CALM2: variants seen among roughly 807,000 people sequenced by gnomAD.
CALM2 encodes the protein calmodulin 2.
A neutral mutation model predicts 19.8 loss-of-function variants in CALM2; 2 were observed. The observed-to-expected ratio is 0.10, with a 90% CI of 0.04 to 0.32. CALM2 has a LOEUF of 0.32. Among genes scored for constraint, CALM2 ranks in the 10% least tolerant of loss-of-function variants. The pLI is 1.00. For synonymous variants in CALM2, 51 were observed against 52.1 expected (o/e 0.98, Z 0.09); for missense variants, 38 against 178.7 (o/e 0.21, Z 4.49).
intron 2 of CALM2, chr2:47,167,798 AATT>A (rs1235577650): frequency 4.5e-5 from 1 of 22,444 alleles, no homozygotes; most frequent in Non-Finnish European, 8.2e-5. Context: ...AAAAAAAAAA[AATT>A]TTTTTTTCTT....
chr2:47,175,170 C>T (rs1666812351), intron 1 of CALM2, among the ~76,000 whole-genome samples: 1 of 149,358 alleles, frequency 6.7e-6, no homozygotes, highest in African/African-American at 2.5e-5. Flanking sequence ...TCCTCCCCCG[C>T]ATACACTCTT....
At position 47,161,753 on chromosome 2, in the gene CALM2, T is replaced by C; in HGVS notation, c.391A>G (p.Ile131Val). The C allele has an allele frequency of 6.2e-7, 1 of 1,612,270 alleles. No homozygotes were observed. Among genetic ancestry groups the C allele is most frequent in the Non-Finnish European group, 8.5e-7 (1 of 1,179,330 alleles). The change falls in exon 5 of 6, where the codon ATT becomes GTT. Residue 131 changes from isoleucine (I) to valine (V), a missense_variant. By Grantham distance (29) the Ile-to-Val change is conservative (BLOSUM62 3). Transcript: ENST00000272298. ...EVDEMIREAD[I>V]DGDGQVNYEE... ...TAGTTTACTTGACCATCACCATCAA[T>C]ATCTGCTTCCCTGATCATTTCATCA...
chr2:47,170,974 T>C (rs540550130), intron 1 of CALM2: 1 of 518,746 alleles, frequency 1.9e-6, no homozygotes, highest in Non-Finnish European at 3.5e-6. Flanking sequence ...TACAAATACT[T>C]CAGAATATTT....
At chr2:47,175,979 G>A (rs982228076) in intron 1 of CALM2, among the ~76,000 whole-genome samples, 10 of 151,964 alleles carry the variant, frequency 6.6e-5, no homozygotes, top group Admixed American at 5.2e-4. Context: ...CCCGCCCCCT[G>A]GGCGCATGGC....
chr2:47,174,523 T>C (rs978875824), intron 1 of CALM2, among the ~76,000 whole-genome samples: 1 of 152,176 alleles, frequency 6.6e-6, no homozygotes, highest in African/African-American at 2.4e-5. Context: ...TAATGATATC[T>C]GTCAATTTTT....
upstream of CALM2, chr2:47,176,729 C>G: frequency 7.3e-7 from 1 of 1,378,718 alleles, no homozygotes; most frequent in Non-Finnish European, 9.4e-7. Flanking sequence ...TTCCAGCGAG[C>G]CGTTAAAAGG....
At chr2:47,165,567 C>T (rs180781132) in intron 2 of CALM2, among the ~76,000 whole-genome samples, 1 of 152,318 alleles carries the variant, frequency 6.6e-6, no homozygotes, top group African/African-American at 2.4e-5. Flanking sequence ...CGTAACAGTA[C>T]TTTGATTTTC....
intron 2 of CALM2, among the ~76,000 whole-genome samples, chr2:47,168,211 CT>C (rs1199191314): frequency 6.6e-6 from 1 of 152,150 alleles, no homozygotes; most frequent in East Asian, 1.9e-4. Context: ...TTTGGTTCCT[CT>C]GCCCTAAATC....
At position 47,176,510 on chromosome 2, in the gene CALM2, C is replaced by G. The variant is rs777643730; in HGVS notation, c.-67G>C. 3 of 1,605,220 alleles carry G rather than the reference C, an allele frequency of 1.9e-6. No individual in the cohort carries two copies. Among genetic ancestry groups the G allele is most frequent in the Non-Finnish European group, 1.7e-6 (2 of 1,176,228 alleles). ...ACTCAGCTCGCTCTCTCCACTCGGA[C>G]TAATTCGCCTCCTCCGCCCCCAGCG... On this transcript the variant is annotated 5_prime_UTR_variant, in exon 1 of 6. Transcript: ENST00000272298.
intron 1 of CALM2, chr2:47,171,010 A>G (rs1457629007): frequency 4.5e-6 from 2 of 444,866 alleles, no homozygotes; most frequent in East Asian, 3.6e-5. Context: ...AGAATCCAAT[A>G]GAAACATTGC....
Position 47,170,735 on chromosome 2 carries a change from T to C in CALM2, c.33A>G (p.Ala11=), listed in dbSNP as rs1324754202. ...ACAATCTAGCTGAGTATTTCTCACC[T>C]GCAATCTGCTCTTCAGTCAGTTGGT... MADQLTEEQI[A]EFKEAFSLFD... Residue 11 remains alanine, a splice_region_variant and synonymous_variant, in exon 2 of 6, where the codon GCA becomes GCG. Transcript: ENST00000272298. 4 of 1,612,282 alleles carry C rather than the reference T, an allele frequency of 2.5e-6. No individual in the cohort carries two copies. Among genetic ancestry groups the C allele is most frequent in the South Asian group, 1.1e-5 (1 of 91,040 alleles).
chr2:47,167,814 C>CTTTTCTTTTTTTTTTTTTTTT lies in CALM2; in HGVS notation c.34+2919_34+2920insAAAAAAAAAAAAAAAAGAAAA. On this transcript the variant is annotated intron_variant, in intron 2 of 5. Coordinates refer to ENST00000272298, the MANE Select transcript of CALM2 (RefSeq NM_001743.6). The stretch of plus-strand genomic sequence containing the variant: ...AAAAAAAAAAATTTTTTTTTCTTTT[C>CTTTTCTTTTTTTTTTTTTTTT]TTTGAGACAGGGTCTTGCTGTGTTG... The CTTTTCTTTTTTTTTTTTTTTT allele has an allele frequency of 2.1e-5, 2 of 96,526 alleles. 1 individual carries two copies. Among genetic ancestry groups the CTTTTCTTTTTTTTTTTTTTTT allele is most frequent in the African/African-American group, 1.1e-4 (2 of 17,910 alleles). The allele number at this position is 96,526 out of a possible 1,614,324, so 6.0% of individuals were successfully genotyped here. A position where few individuals can be genotyped will look rare whatever the true frequency, so the allele number is the denominator to read the frequency against.
At chr2:47,175,509 T>C (rs1341571030) in intron 1 of CALM2, among the ~76,000 whole-genome samples, 2 of 152,178 alleles carry the variant, frequency 1.3e-5, no homozygotes, top group Admixed American at 6.5e-5. Context: ...AAGATGTGTA[T>C]TGCGAGGACG....
At chr2:47,162,997 T>TAC (rs1440970053) in intron 2 of CALM2, 1 of 171,886 alleles carries the variant, frequency 5.8e-6, no homozygotes, top group African/African-American at 2.4e-5. Context: ...ATCCTAGGTT[T>TAC]ACAGAGGAAA....
chr2:47,162,171 C>CAAAAAAAAAAAAAAAAAA (rs56839340), intron 4 of CALM2, 115 bp downstream of exon 4: 15 of 130,128 alleles, frequency 1.2e-4, no homozygotes, highest in Admixed American at 4.2e-4. Context: ...GGTAAATCAT[C>CAAAAAAAAAAAAAAAAAA]AAAAAAAAAA....
intron 1 of CALM2, among the ~76,000 whole-genome samples, chr2:47,174,481 G>A (rs1379014903): frequency 6.6e-6 from 1 of 151,826 alleles, no homozygotes; most frequent in African/African-American, 2.4e-5. Flanking sequence ...TTATGTGAAG[G>A]CAATTTTCAA....
intron 2 of CALM2, among the ~76,000 whole-genome samples, chr2:47,170,268 G>A (rs1049796978): frequency 6.6e-6 from 1 of 152,158 alleles, no homozygotes; most frequent in South Asian, 2.1e-4. Flanking sequence ...TTGAGAAATG[G>A]TTATTCCCTG....
rs564738016 is a variant in CALM2 at position 47,161,841 on chromosome 2, A to G, written c.303T>C (p.Ile101=). ...TCACATGGCGAAGTTCTGCAGCACT[A>G]ATATAGCCATTGCCATCCTAGCAAA... ...RVFDKDGNGY[I]SAAELRHVMT... The change falls in exon 5 of 6, where the codon ATT becomes ATC. Residue 101 remains isoleucine, a synonymous_variant. Coordinates refer to ENST00000272298, the MANE Select transcript of CALM2 (RefSeq NM_001743.6). The G allele has an allele frequency of 6.2e-7, 1 of 1,611,206 alleles. No individual in the cohort carries two copies. Among genetic ancestry groups the G allele is most frequent in the African/African-American group, 1.3e-5 (1 of 74,892 alleles).
At chr2:47,172,283 G>T (rs375113897) in intron 1 of CALM2, 7 of 331,830 alleles carry the variant, frequency 2.1e-5, no homozygotes, top group Non-Finnish European at 4.3e-5. Flanking sequence ...TGCGTGGCGT[G>T]GGGGGAAAGC....
Sources: allele counts gnomAD v4.1 joint callset (sites outside exome capture counted in the v4.1 genomes callset), GRCh38; gene constraint gnomAD v4.1.1; transcripts MANE v1.5; gene names NCBI Gene and HGNC (gene_info 2026-07-23, HGNC 2026-07-21).